The following HEATR4 variants were observed in gnomAD, a reference collection of about 807,000 sequenced individuals.
HEATR4 encodes the protein HEAT repeat-containing protein 4.
A neutral mutation model predicts 108.8 loss-of-function variants in HEATR4; 95 were observed. The ratio of observed to expected loss-of-function variants is 0.87; its 90% CI spans 0.74 to 1.04. The LOEUF (loss-of-function observed/expected upper bound fraction) is 1.04, where lower values mean the gene tolerates loss of function less well. Among genes scored for constraint, HEATR4 ranks in the 50% least tolerant of loss-of-function variants. The probability of loss-of-function intolerance (pLI) is 0.00; values close to 1 mark genes in which losing one functional copy is unlikely to be tolerated. For missense variants in HEATR4, 1,152 were observed against 1,253.8 expected (o/e 0.92, Z 1.23); for synonymous variants, 443 against 459.4 (o/e 0.96, Z 0.46).
At chr14:73,524,975 C>A (rs541793906) in intron 2 of HEATR4, among the ~76,000 whole-genome samples, 1 of 152,034 alleles carries the variant, frequency 6.6e-6, no homozygotes, top group Non-Finnish European at 1.5e-5. Context: ...TAAAAGTGAC[C>A]GTATTGTATT....
chr14:73,564,712 A>G, the HEATR4 span, among the ~76,000 whole-genome samples: 1 of 136,680 alleles, frequency 7.3e-6, no homozygotes, highest in African/African-American at 2.7e-5. Flanking sequence ...TTCATGTCTT[A>G]TCTTTTCTGT....
chr14:73,625,705 T>C, the HEATR4 span, among the ~76,000 whole-genome samples: 1 of 152,190 alleles, frequency 6.6e-6, no homozygotes, highest in Non-Finnish European at 1.5e-5. Flanking sequence ...TTGATGTTAC[T>C]ACTGTAATTG....
chr14:73,606,566 C>T, the HEATR4 span, among the ~76,000 whole-genome samples: 4 of 152,104 alleles, frequency 2.6e-5, no homozygotes, highest in African/African-American at 9.7e-5. Context: ...AAAATCAGCT[C>T]TCTCTAGGAA....
chr14:73,623,601 T>C, the HEATR4 span, among the ~76,000 whole-genome samples: 2 of 152,114 alleles, frequency 1.3e-5, no homozygotes, highest in African/African-American at 2.4e-5. Flanking sequence ...GCAGGAGGAT[T>C]GGTTGAGCCC....
At chr14:73,612,993 C>G in the HEATR4 span, 2 of 1,049,464 alleles carry the variant, frequency 1.9e-6, no homozygotes, top group African/African-American at 3.4e-5. Context: ...CCGGTGCGCG[C>G]GGGCCCGGTG....
the HEATR4 span, among the ~76,000 whole-genome samples, chr14:73,622,843 G>T: frequency 1.3e-5 from 2 of 152,156 alleles, no homozygotes; most frequent in Non-Finnish European, 2.9e-5. Flanking sequence ...GCTTATTATG[G>T]AATCCTATGC....
At chr14:73,584,572 T>C in the HEATR4 span, among the ~76,000 whole-genome samples, 1 of 148,178 alleles carries the variant, frequency 6.7e-6, no homozygotes, top group Admixed American at 6.8e-5. Context: ...CTCAGTGTAA[T>C]TGGTCTGTAA....
the HEATR4 span, among the ~76,000 whole-genome samples, chr14:73,571,893 A>G: frequency 6.6e-6 from 1 of 152,228 alleles, no homozygotes; most frequent in South Asian, 2.1e-4. Context: ...TATATTACAT[A>G]AAGAGCAATC....
chr14:73,542,608 AT>A (rs1889125850), intron 1 of HEATR4, among the ~76,000 whole-genome samples: 1 of 100,274 alleles, frequency 1.0e-5, no homozygotes, highest in Non-Finnish European at 2.1e-5. Flanking sequence ...GTTTCACCAT[AT>A]TGGCCAGGCT....
At chr14:73,584,742 C>A in the HEATR4 span, among the ~76,000 whole-genome samples, 1 of 147,660 alleles carries the variant, frequency 6.8e-6, no homozygotes, top group Middle Eastern at 3.4e-3. Context: ...CCTCCCTAAT[C>A]CTCATTTGCC....
the HEATR4 span, among the ~76,000 whole-genome samples, chr14:73,572,200 A>T: frequency 5.5e-5 from 5 of 90,220 alleles, no homozygotes; most frequent in African/African-American, 1.5e-4. Flanking sequence ...GGATTAATTT[A>T]AAAAAAGAGC....
At chr14:73,595,584 G>T in the HEATR4 span, 1 of 1,574,358 alleles carries the variant, frequency 6.4e-7, no homozygotes, top group Non-Finnish European at 8.6e-7. Context: ...GAAGATGCCT[G>T]GAAGCAAATT....
chr14:73,602,895 C>T, the HEATR4 span, among the ~76,000 whole-genome samples: 1 of 152,110 alleles, frequency 6.6e-6, no homozygotes, highest in African/African-American at 2.4e-5. Context: ...TGAGAAAAGA[C>T]AATTCTGAGG....
At chr14:73,560,739 C>T (rs1259582380), upstream of HEATR4, among the ~76,000 whole-genome samples, 1 of 151,788 alleles carries the variant, frequency 6.6e-6, no homozygotes, top group Admixed American at 6.6e-5. Context: ...ATCATTTGAG[C>T]CCAGGAGTTT....
In HEATR4 at chr14:73,550,807, C is replaced by T. The variant is rs1889307461; in HGVS notation, c.-152+7944G>A. 2.6e-5 allele frequency among the ~76,000 whole-genome samples: 3 copies of T among 115,680 alleles called. 1 individual carries two copies. In the South Asian group the frequency reaches 8.2e-4, roughly 32 times the overall value. 75.9% of individuals were successfully genotyped at this position (115,680 alleles called of 152,430 possible). On this transcript the variant is annotated intron_variant, in intron 1 of 17. Coordinates refer to ENST00000553558, the MANE Select transcript of HEATR4 (RefSeq NM_001220484.1). ...ACAAGAACCGAGGTGTCACATCAGC[C>T]GCCAAAGAAACTGCTGATGCCAGCC... is the stretch of plus-strand genomic sequence containing the variant.
At chr14:73,600,128 C>G in the HEATR4 span, among the ~76,000 whole-genome samples, 1 of 152,094 alleles carries the variant, frequency 6.6e-6, no homozygotes, top group African/African-American at 2.4e-5. Context: ...TATAAGATAA[C>G]TCCTATAGAC....
At chr14:73,497,346 A>G (rs1039747605) in intron 14 of HEATR4, among the ~76,000 whole-genome samples, 2 of 152,094 alleles carry the variant, frequency 1.3e-5, no homozygotes, top group African/African-American at 2.4e-5. Context: ...GGCCAAGACA[A>G]TATATTTGAA....
the HEATR4 span, among the ~76,000 whole-genome samples, chr14:73,624,658 C>T: frequency 1.3e-5 from 2 of 152,286 alleles, no homozygotes; most frequent in East Asian, 3.9e-4. Context: ...TATAGCAACA[C>T]AAATGCACTA....
the HEATR4 span, among the ~76,000 whole-genome samples, chr14:73,628,753 CAA>C: frequency 4.0e-5 from 5 of 126,476 alleles, no homozygotes; most frequent in Non-Finnish European, 3.3e-5. Context: ...AACTCCATCT[CAA>C]AAAAAAAAAA....
Sources: gnomAD v4.1 joint callset for allele counts (sites outside exome capture counted in the v4.1 genomes callset) on GRCh38, gnomAD v4.1.1 for gene constraint, MANE v1.5 for transcripts, NCBI Gene and HGNC (gene_info 2026-07-23, HGNC 2026-07-21) for gene names.